The following NINJ2 variants were observed in gnomAD, a reference collection of about 807,000 sequenced individuals.
NINJ2 encodes ninjurin 2, also known as ninjurin-2.
In NINJ2, 12 loss-of-function variants were observed where a neutral mutation model predicts 11.7. That is an observed-to-expected ratio of 1.02 (90% CI 0.66 to 1.66). The LOEUF is 1.66. NINJ2 is among the 40% of genes most tolerant of loss of function. The probability of loss-of-function intolerance (pLI) is 0.00; values close to 1 mark genes in which losing one functional copy is unlikely to be tolerated. For synonymous variants in NINJ2, 93 were observed against 76.8 expected, an observed-to-expected ratio of 1.21 and a Z score of -1.10; for missense variants, 187 against 181.8, an observed-to-expected ratio of 1.03 and a Z score of -0.16.
intron 1 of NINJ2, chr12:643,269 G>T: frequency 4.8e-6 from 1 of 209,838 alleles, no homozygotes; most frequent in Non-Finnish European, 8.4e-6. Flanking sequence ...CTCCTGTCCT[G>T]CCCTCCGGCG....
chr12:577,837 G>C (rs1324282218), intron 1 of NINJ2, among the ~76,000 whole-genome samples: 2 of 151,852 alleles, frequency 1.3e-5, no homozygotes, highest in Admixed American at 6.6e-5. Context: ...GATTACAGGC[G>C]TGAGCCACTG....
At position 640,758 on chromosome 12, in the gene NINJ2, A is replaced by G. The variant is rs564886868; in HGVS notation, c.33+22570T>C. 1 of 153,232 alleles carries G rather than the reference A, an allele frequency of 6.5e-6. No homozygotes were observed. The highest frequency in any genetic ancestry group is 1.5e-5 in the Non-Finnish European group (1 of 68,772). The allele number at this position is 153,232 out of a possible 1,614,324, so 9.5% of individuals were successfully genotyped here. A position where few individuals can be genotyped will look rare whatever the true frequency, so the allele number is the denominator to read the frequency against. On this transcript the variant is annotated intron_variant, in intron 1 of 3. Coordinates refer to ENST00000305108, the MANE Select transcript of NINJ2 (RefSeq NM_016533.6). This position sits in a 1 kb window ranked among gnomAD's most constrained non-coding sequence, Gnocchi z 4.0. ...AGTGATCTACCCACCTCGGCCTCCC[A>G]AAGTGCTGGGATTACAGGTGTGAAT...
chr12:643,343 G>T, intron 1 of NINJ2: 1 of 727,516 alleles, frequency 1.4e-6, no homozygotes, highest in Non-Finnish European at 1.7e-6. Flanking sequence ...GCGCCGGGTG[G>T]GGAGGGGAGG....
intron 1 of NINJ2, among the ~76,000 whole-genome samples, chr12:596,432 G>GA (rs781050009): frequency 2.0e-5 from 3 of 152,200 alleles, no homozygotes; most frequent in Non-Finnish European, 4.4e-5. Flanking sequence ...TCTGCTGGGG[G>GA]ATGTTGATAA....
In NINJ2 at chr12:650,631, G is replaced by A. The variant is rs902130818; in HGVS notation, c.33+12697C>T. Reference sequence around the variant, plus strand: ...GGAGAATTGCTTGAACCCGGGAGGCGGAGGTTGTGGTGAGCCGAGTTCGCG... The same window carrying A: ...GGAGAATTGCTTGAACCCGGGAGGCAGAGGTTGTGGTGAGCCGAGTTCGCG... On this transcript the variant is annotated intron_variant, in intron 1 of 3. Transcript: ENST00000305108. 3.5e-4 allele frequency among the ~76,000 whole-genome samples: 53 copies of A among 152,212 alleles called. 1 individual carries two copies. Among genetic ancestry groups the A allele is most frequent in the Non-Finnish European group, 8.8e-5 (6 of 67,990 alleles).
rs1035007597 is a variant in NINJ2, at chr12:620,910, A to G, written c.33+42418T>C. On this transcript the variant is annotated intron_variant, in intron 1 of 3. Coordinates refer to ENST00000305108, the MANE Select transcript of NINJ2 (RefSeq NM_016533.6). ...CTCCCAGAGTGCTGGGATTACAGGCATGAACCACTGCTCCCAGCTAAGGTT... is the reference window on the plus strand; with the variant it reads ...CTCCCAGAGTGCTGGGATTACAGGCGTGAACCACTGCTCCCAGCTAAGGTT... 5.9e-5 allele frequency among the ~76,000 whole-genome samples: 9 copies of G among 152,130 alleles called. 1 individual carries two copies. Among genetic ancestry groups the G allele is most frequent in the Admixed American group, 5.9e-4 (9 of 15,278 alleles).
At chr12:588,464 C>A (rs1451124191) in intron 1 of NINJ2, among the ~76,000 whole-genome samples, 1 of 152,078 alleles carries the variant, frequency 6.6e-6, no homozygotes, top group Non-Finnish European at 1.5e-5. Context: ...CATGTCAAAC[C>A]CTGCACAGAA....
chr12:601,522 TG>T (rs1388895757), intron 1 of NINJ2, among the ~76,000 whole-genome samples: 1 of 147,146 alleles, frequency 6.8e-6, no homozygotes, highest in Non-Finnish European at 1.5e-5. Context: ...CACTCCAGCC[TG>T]GGCCACAGAA....
chr12:602,463 T>A (rs1947885374), intron 1 of NINJ2, among the ~76,000 whole-genome samples: 1 of 152,234 alleles, frequency 6.6e-6, no homozygotes, highest in South Asian at 2.1e-4. Flanking sequence ...GTTTCAGTAC[T>A]TCGTTTCTTT....
At chr12:569,096 G>A (rs1228618403) in intron 1 of NINJ2, among the ~76,000 whole-genome samples, 2 of 152,242 alleles carry the variant, frequency 1.3e-5, no homozygotes, top group African/African-American at 4.8e-5. Flanking sequence ...TGGTGCTGGG[G>A]GCAGCCAGTG....
Position 565,408 on chromosome 12 carries a change from G to A in NINJ2, c.263-7C>T, listed in dbSNP as rs767643156. On this transcript the variant is annotated splice_polypyrimidine_tract_variant and splice_region_variant and intron_variant, in intron 2 of 3. Coordinates refer to ENST00000305108, the MANE Select transcript of NINJ2 (RefSeq NM_016533.6). ...TCATTCAGGTTCAGCCGTGCTGCAG[G>A]GAAGTGGAGTGGGGGGAAAGGGTCA... 4 of 1,613,448 alleles carry A rather than the reference G, an allele frequency of 2.5e-6. No homozygotes were observed. In the South Asian group the frequency reaches 4.4e-5, roughly 18 times the overall value.
At chr12:611,259 T>TTCTTTCTTTCTTTCTCTCTC (rs1565634947) in intron 1 of NINJ2, among the ~76,000 whole-genome samples, 1 of 34,970 alleles carries the variant, frequency 2.9e-5, no homozygotes, top group Non-Finnish European at 5.2e-5. Context: ...CTCTCTCTCT[T>TTCTTTCTTTCTTTCTCTCTC]TCTTTCTTTC....
At position 617,700 on chromosome 12, in the gene NINJ2, C is replaced by T. The variant is rs1948110193; in HGVS notation, c.33+45628G>A. ...CTGGCGTCGCCGTGTTTTCTGTGCTCTGCGCTCACTCCCCAGGACGTTCTG... is the reference window on the plus strand; with the variant it reads ...CTGGCGTCGCCGTGTTTTCTGTGCTTTGCGCTCACTCCCCAGGACGTTCTG... On this transcript the variant is annotated intron_variant, in intron 1 of 3. Transcript: ENST00000305108. Among the ~76,000 whole-genome samples the T allele has an allele frequency of 1.3e-5, 2 of 152,218 alleles. 1 individual carries two copies. The highest frequency in any genetic ancestry group is 4.1e-4 in the South Asian group (2 of 4,832).
At chr12:607,711 C>A (rs1232704518) in intron 1 of NINJ2, among the ~76,000 whole-genome samples, 1 of 152,160 alleles carries the variant, frequency 6.6e-6, no homozygotes, top group Non-Finnish European at 1.5e-5. Context: ...TCTGCCCCAG[C>A]ACTCAGGAAG....
chr12:627,841 GCCTGAGGCAGGAGAAC>G (rs553095613), intron 1 of NINJ2, among the ~76,000 whole-genome samples: 1 of 152,364 alleles, frequency 6.6e-6, no homozygotes, highest in African/African-American at 2.4e-5. Context: ...CTACTTGCGT[GCCTGAGGCAGGAGAAC>G]CCGGGAAGTG....
chr12:616,258 C>T (rs1948090246), intron 1 of NINJ2, among the ~76,000 whole-genome samples: 1 of 152,168 alleles, frequency 6.6e-6, no homozygotes, highest in Non-Finnish European at 1.5e-5. Context: ...GAAGCAAAGG[C>T]CATGGTAATG....
rs184593600 is a variant in NINJ2 at position 616,627 on chromosome 12, C to T, written c.33+46701G>A. ...CCCCCTCCAAATAGGAAAGAGGCCA[C>T]GATGCCAAGAAAAGGGACTTCTTGA... On this transcript the variant is annotated intron_variant, in intron 1 of 3. Transcript: ENST00000305108. Among the ~76,000 whole-genome samples the T allele has an allele frequency of 1.4e-4, 21 of 152,302 alleles. No individual in the cohort carries two copies. In the East Asian group the frequency reaches 3.3e-3, roughly 24 times the overall value.
chr12:642,880 C>G (rs1420760735), intron 1 of NINJ2: 2 of 150,848 alleles, frequency 1.3e-5, no homozygotes, highest in South Asian at 3.9e-4. Context: ...CTCGCCCGCC[C>G]GCGTCAGCTG....
intron 1 of NINJ2, among the ~76,000 whole-genome samples, chr12:627,693 G>A (rs56285241): frequency 0.075 from 11,348 of 152,308 alleles, 565 homozygotes; most frequent in Middle Eastern, 0.12. Context: ...AACCAGACTC[G>A]CCTGGGACAG....
Sources: allele counts gnomAD v4.1 joint callset (sites outside exome capture counted in the v4.1 genomes callset), GRCh38; gene constraint gnomAD v4.1.1; non-coding constraint Gnocchi (gnomAD v3.1); transcripts MANE v1.5; gene names NCBI Gene and HGNC (gene_info 2026-07-23, HGNC 2026-07-21).